ESRRG: variants seen among roughly 807,000 people sequenced by gnomAD.
The protein encoded by ESRRG is estrogen-related receptor gamma.
In ESRRG, 13 loss-of-function variants were observed where a neutral mutation model predicts 44.0. The ratio of observed to expected loss-of-function variants is 0.30; its 90% CI spans 0.19 to 0.47. ESRRG has a LOEUF of 0.47. Ranked by LOEUF, ESRRG falls within the 20% of genes least tolerant of loss-of-function variation. The pLI, the probability that ESRRG is intolerant of heterozygous loss-of-function variation, is 1.00. For synonymous variants in ESRRG, 215 were observed against 214.6 expected, an observed-to-expected ratio of 1.00 and a Z score of -0.02; for missense variants, 395 against 580.6, an observed-to-expected ratio of 0.68 and a Z score of 3.29.
intron 1 of ESRRG, among the ~76,000 whole-genome samples, chr1:217,042,473 A>ACACACACAC (rs2084037994): frequency 1.4e-5 from 2 of 138,972 alleles, no homozygotes; most frequent in African/African-American, 5.3e-5. Flanking sequence ...TACACACACA[A>ACACACACAC]ACACACACAC....
intron 2 of ESRRG, among the ~76,000 whole-genome samples, chr1:216,902,315 C>T (rs977591499): frequency 6.6e-6 from 1 of 152,016 alleles, no homozygotes; most frequent in African/African-American, 2.4e-5. Context: ...ATGGCAAAAC[C>T]CCGTCTCTAC....
intron 5 of ESRRG, among the ~76,000 whole-genome samples, chr1:216,533,078 C>T (rs914030765): frequency 9.2e-5 from 14 of 152,008 alleles, no homozygotes; most frequent in African/African-American, 3.1e-4. Flanking sequence ...ACCTGACTAG[C>T]TCAATTATAA....
chr1:216,971,871 CTT>C (rs2071749475), intron 1 of ESRRG, among the ~76,000 whole-genome samples: 1 of 152,162 alleles, frequency 6.6e-6, no homozygotes, highest in Non-Finnish European at 1.5e-5. Context: ...AAGATTATCT[CTT>C]TTCCTTCAGC....
chr1:217,128,170 TAA>T (rs2092915730), intron 1 of ESRRG, among the ~76,000 whole-genome samples: 1 of 152,236 alleles, frequency 6.6e-6, no homozygotes, highest in Admixed American at 6.5e-5. Flanking sequence ...GTGTCCACCA[TAA>T]GTCTTCTTAC....
chr1:217,078,708 A>G (rs1339878870), intron 1 of ESRRG, among the ~76,000 whole-genome samples: 1 of 152,216 alleles, frequency 6.6e-6, no homozygotes, highest in African/African-American at 2.4e-5. Flanking sequence ...GAAGCTTTAA[A>G]ATGAATCAGG....
intron 3 of ESRRG, among the ~76,000 whole-genome samples, chr1:216,643,942 C>A (rs1208912318): frequency 1.3e-5 from 2 of 152,154 alleles, no homozygotes; most frequent in Non-Finnish European, 2.9e-5. Context: ...TGCAGGCAAT[C>A]AACCCAAGCA....
chr1:216,952,178 G>A (rs2067081100), intron 1 of ESRRG, among the ~76,000 whole-genome samples: 1 of 152,024 alleles, frequency 6.6e-6, no homozygotes, highest in Non-Finnish European at 1.5e-5. Flanking sequence ...ACTTTCAAAT[G>A]CTGATTTGGG....
At chr1:217,102,626 T>C (rs1234557648) in intron 1 of ESRRG, among the ~76,000 whole-genome samples, 1 of 152,212 alleles carries the variant, frequency 6.6e-6, no homozygotes, top group Non-Finnish European at 1.5e-5. Flanking sequence ...GACTTCTGAA[T>C]AACCTTCCCC....
intron 1 of ESRRG, among the ~76,000 whole-genome samples, chr1:217,036,295 G>C (rs895810608): frequency 6.6e-6 from 1 of 152,106 alleles, no homozygotes; most frequent in African/African-American, 2.4e-5. Context: ...ATTTGACCCA[G>C]CAATCCCATT....
intron 2 of ESRRG, among the ~76,000 whole-genome samples, chr1:216,732,156 A>G (rs1055872014): frequency 4.6e-5 from 7 of 152,122 alleles, no homozygotes; most frequent in Non-Finnish European, 8.8e-5. Context: ...ACATAAAAAA[A>G]AAAAGAAGTG....
intron 1 of ESRRG, among the ~76,000 whole-genome samples, chr1:217,079,739 TG>T (rs1183380302): frequency 5.9e-5 from 9 of 152,330 alleles, no homozygotes; most frequent in Non-Finnish European, 5.9e-5. Flanking sequence ...CCACAGCGCC[TG>T]GCACGCATGC....
chr1:216,686,412 T>C (rs969693317), intron 1 of ESRRG, among the ~76,000 whole-genome samples: 1 of 146,188 alleles, frequency 6.8e-6, no homozygotes, highest in Non-Finnish European at 1.5e-5. Flanking sequence ...TAAGGATTTA[T>C]TTTGTAGCAT....
chr1:216,550,175 A>G (rs1351357879), intron 5 of ESRRG, among the ~76,000 whole-genome samples: 2 of 152,160 alleles, frequency 1.3e-5, no homozygotes, highest in Admixed American at 6.6e-5. Flanking sequence ...AATGAACTGA[A>G]ATAGTGTTTG....
intron 5 of ESRRG, among the ~76,000 whole-genome samples, chr1:216,546,332 A>C (rs998270753): frequency 2.6e-5 from 4 of 152,112 alleles, no homozygotes; most frequent in Admixed American, 6.6e-5. Context: ...GTATCAAAAA[A>C]GCTTGTCTGG....
At chr1:216,875,612 A>C (rs1316745481) in intron 2 of ESRRG, among the ~76,000 whole-genome samples, 1 of 152,068 alleles carries the variant, frequency 6.6e-6, no homozygotes, top group Non-Finnish European at 1.5e-5. Context: ...TAGTATTCCT[A>C]TATATGAATT....
chr1:216,673,393 A>G (rs1042240585), intron 2 of ESRRG, among the ~76,000 whole-genome samples: 3 of 152,216 alleles, frequency 2.0e-5, no homozygotes, highest in Non-Finnish European at 2.9e-5. Context: ...CTGATGATGT[A>G]GCTAGCAGGG....
intron 3 of ESRRG, among the ~76,000 whole-genome samples, chr1:216,571,223 A>T (rs1397976482): frequency 3.9e-5 from 6 of 152,170 alleles, no homozygotes; most frequent in African/African-American, 1.4e-4. Context: ...TGGGTGGATC[A>T]CCCGAGGTCA....
At chr1:216,545,191 G>T (rs1275879458) in intron 5 of ESRRG, among the ~76,000 whole-genome samples, 1 of 151,212 alleles carries the variant, frequency 6.6e-6, no homozygotes, top group Non-Finnish European at 1.5e-5. Context: ...AGGACTACAG[G>T]CATACACCAG....
intron 1 of ESRRG, among the ~76,000 whole-genome samples, chr1:216,944,302 C>T (rs771668410): frequency 7.2e-5 from 11 of 152,064 alleles, no homozygotes; most frequent in Non-Finnish European, 1.0e-4. Context: ...ATTAAGTTGG[C>T]CAAGATCCTT....
Sources: allele counts gnomAD v4.1 joint callset (sites outside exome capture counted in the v4.1 genomes callset), GRCh38; gene constraint gnomAD v4.1.1; transcripts MANE v1.5; gene names NCBI Gene and HGNC (gene_info 2026-07-23, HGNC 2026-07-21).